Variants in MYCBP2 observed in about 807,000 individuals in gnomAD.
MYCBP2 encodes the protein MYC binding protein 2.
Under a neutral mutation model 525.3 loss-of-function variants are expected in MYCBP2, and 120 were observed. That is an observed-to-expected ratio of 0.23 (90% CI 0.20 to 0.27). The LOEUF is 0.27. Ranked by LOEUF, MYCBP2 falls within the 10% of genes least tolerant of loss-of-function variation. The pLI is 1.00. For synonymous variants in MYCBP2, 1,894 were observed against 1,955.8 expected, an observed-to-expected ratio of 0.97 and a Z score of 0.83; for missense variants, 4,149 against 5,657.1, an observed-to-expected ratio of 0.73 and a Z score of 8.55.
At chr13:77,257,309 T>G (rs182968852) in intron 14 of MYCBP2, among the ~76,000 whole-genome samples, 2 of 152,104 alleles carry the variant, frequency 1.3e-5, no homozygotes, top group Non-Finnish European at 2.9e-5. Flanking sequence ...ATACAAGAGA[T>G]CTACTATTTG....
chr13:77,292,468 T>C (rs1466120230), intron 2 of MYCBP2, among the ~76,000 whole-genome samples: 1 of 151,656 alleles, frequency 6.6e-6, no homozygotes, highest in Admixed American at 6.6e-5. Flanking sequence ...AAAAATGGAA[T>C]GAACTATTGA....
intron 58 of MYCBP2, among the ~76,000 whole-genome samples, chr13:77,094,904 A>C (rs1402405525): frequency 6.6e-6 from 1 of 152,178 alleles, no homozygotes; most frequent in Non-Finnish European, 1.5e-5. Flanking sequence ...GTATGAGTAC[A>C]TAGAAGCCAG....
At chr13:77,262,561 G>C (rs9318471) in intron 10 of MYCBP2, among the ~76,000 whole-genome samples, 4,090 of 152,074 alleles carry the variant, frequency 0.027, 200 homozygotes, top group African/African-American at 0.092. Context: ...GGTTAGTCCA[G>C]ACACAGAGTC....
At chr13:77,166,949 A>T (rs2058591727) in intron 40 of MYCBP2, among the ~76,000 whole-genome samples, 1 of 149,788 alleles carries the variant, frequency 6.7e-6, no homozygotes, top group South Asian at 2.1e-4. Flanking sequence ...CTTAGATGGG[A>T]TATACTTCAA....
At chr13:77,289,959 T>C (rs1027467456) in intron 2 of MYCBP2, among the ~76,000 whole-genome samples, 1 of 152,116 alleles carries the variant, frequency 6.6e-6, no homozygotes, top group Admixed American at 6.5e-5. Context: ...GAGAAAATAT[T>C]TGCAAACCAC....
rs746825258 is a variant in MYCBP2, at chr13:77,062,708, G to A, written c.12673-11C>T. ...GAGAGCAAGCCAGAGCTGTTGAAAGGGAAGGCTGTTACACCACTGAATTTT... is the reference window on the plus strand; with the variant it reads ...GAGAGCAAGCCAGAGCTGTTGAAAGAGAAGGCTGTTACACCACTGAATTTT... On this transcript the variant is annotated splice_polypyrimidine_tract_variant and intron_variant, in intron 73 of 82. Transcript: ENST00000544440. 6.2e-7 allele frequency: 1 copy of A among 1,610,610 alleles called. No individual in the cohort carries two copies. Among genetic ancestry groups the A allele is most frequent in the South Asian group, 1.1e-5 (1 of 90,972 alleles).
chr13:77,092,015 C>T (rs2045504793), intron 59 of MYCBP2, among the ~76,000 whole-genome samples: 1 of 150,124 alleles, frequency 6.7e-6, no homozygotes, highest in African/African-American at 2.5e-5. Flanking sequence ...TCAAGAGCAG[C>T]TTCAAAGAAA....
At chr13:77,115,567 A>C (rs1418825175) in intron 55 of MYCBP2, among the ~76,000 whole-genome samples, 1 of 151,874 alleles carries the variant, frequency 6.6e-6, no homozygotes, top group African/African-American at 2.4e-5. Context: ...AAATTACCAA[A>C]TATTCTATTT....
rs112173340 is a variant in MYCBP2, at chr13:77,120,257, G to A, written c.8140+1116C>T. Among the ~76,000 whole-genome samples, 298 of 152,278 alleles carry A rather than the reference G, an allele frequency of 2.0e-3. 2 individuals are homozygous for A. Among genetic ancestry groups the A allele is most frequent in the African/African-American group, 5.2e-3 (216 of 41,562 alleles). ...ATGTAAGTACAAAGATCTAGCTTAA[G>A]TTAATGGAAATCAGGTACCCGAAGT... On this transcript the variant is annotated intron_variant, in intron 55 of 82. Coordinates refer to ENST00000544440, the MANE Select transcript of MYCBP2 (RefSeq NM_015057.5).
In MYCBP2 at chr13:77,161,938, C is replaced by T; in HGVS notation, c.6565G>A (p.Asp2189Asn). ...GCAGCCTCCTCAAGAATTTCAAGGT[C>T]TTCTTCTAATTCATTACCTGTTGTG... Reference protein sequence around the residue: ...ALPIGNELEEDLEILEEAALQ... With the variant: ...ALPIGNELEENLEILEEAALQ... The change falls in exon 44 of 83, where the codon GAC becomes AAC. Residue 2189 changes from aspartate (D) to asparagine (N), a missense_variant. By Grantham distance (23) the Asp-to-Asn change is conservative. Transcript: ENST00000544440. 5 of 1,607,024 alleles carry T rather than the reference C, an allele frequency of 3.1e-6. No homozygotes were observed. Among genetic ancestry groups the T allele is most frequent in the Admixed American group, 1.7e-5 (1 of 59,290 alleles).
chr13:77,254,298 C>T (rs963812725), intron 14 of MYCBP2, among the ~76,000 whole-genome samples: 1 of 151,312 alleles, frequency 6.6e-6, no homozygotes, highest in East Asian at 1.9e-4. Context: ...GTCATGATCG[C>T]GGTTAGCTCT....
At chr13:77,181,205 GATTA>G (rs1025858411) in intron 33 of MYCBP2, among the ~76,000 whole-genome samples, 3 of 152,104 alleles carry the variant, frequency 2.0e-5, no homozygotes, top group African/African-American at 7.2e-5. Context: ...GGGAAAAGAT[GATTA>G]ATTTAGCTGA....
At chr13:77,130,763 T>C (rs576537475) in intron 52 of MYCBP2, among the ~76,000 whole-genome samples, 1 of 152,310 alleles carries the variant, frequency 6.6e-6, no homozygotes, top group South Asian at 2.1e-4. Context: ...GACAGACTTT[T>C]TGACATAAAA....
intron 14 of MYCBP2, among the ~76,000 whole-genome samples, chr13:77,254,740 C>T (rs902792910): frequency 4.6e-5 from 7 of 151,760 alleles, no homozygotes; most frequent in Non-Finnish European, 1.0e-4. Context: ...ACCTATTAAC[C>T]AACCACTCTT....
intron 26 of MYCBP2, among the ~76,000 whole-genome samples, chr13:77,200,569 C>A (rs1239760947): frequency 6.6e-6 from 1 of 152,068 alleles, no homozygotes; most frequent in Non-Finnish European, 1.5e-5. Context: ...TTGAGAAGAG[C>A]AACTCCAAGG....
At chr13:77,047,644 G>A in intron 82 of MYCBP2, among the ~76,000 whole-genome samples, 1 of 152,186 alleles carries the variant, frequency 6.6e-6, no homozygotes, top group East Asian at 1.9e-4. Flanking sequence ...AACTAGCACA[G>A]GGCATTGTGC....
At chr13:77,314,854 G>T (rs1049739848) in intron 1 of MYCBP2, among the ~76,000 whole-genome samples, 4 of 152,118 alleles carry the variant, frequency 2.6e-5, no homozygotes, top group Non-Finnish European at 5.9e-5. Context: ...CTATGCGTGA[G>T]TGGGGGAAAG....
chr13:77,176,745 A>G, intron 35 of MYCBP2, 117 bp from the exon 36 acceptor site: 1 of 889,628 alleles, frequency 1.1e-6, no homozygotes, highest in East Asian at 3.2e-5. Flanking sequence ...AAAATTAGCC[A>G]TTAGTATTTT....
intron 2 of MYCBP2, among the ~76,000 whole-genome samples, chr13:77,291,565 G>A (rs1178436276): frequency 1.3e-5 from 2 of 152,226 alleles, no homozygotes; most frequent in Non-Finnish European, 2.9e-5. Flanking sequence ...GAGGTCAGGA[G>A]TTCGAGACCA....
Sources: allele counts gnomAD v4.1 joint callset (sites outside exome capture counted in the v4.1 genomes callset), GRCh38; gene constraint gnomAD v4.1.1; transcripts MANE v1.5; gene names NCBI Gene and HGNC (gene_info 2026-07-23, HGNC 2026-07-21).